Variants in SORD observed in about 807,000 individuals in gnomAD.
The protein encoded by SORD is sorbitol dehydrogenase.
Under a neutral mutation model 35.6 loss-of-function variants are expected in SORD, and 18 were observed. That is an observed-to-expected ratio of 0.51 (90% CI 0.35 to 0.75). The LOEUF (loss-of-function observed/expected upper bound fraction) is 0.75, where lower values mean the gene tolerates loss of function less well. Ranked by LOEUF, SORD falls within the 30% of genes least tolerant of loss-of-function variation. The pLI is 0.01. For missense variants in SORD, 250 were observed against 390.2 expected, an observed-to-expected ratio of 0.64 and a Z score of 3.03; for synonymous variants, 106 against 152.9, an observed-to-expected ratio of 0.69 and a Z score of 2.26.
intron 4 of SORD, among the ~76,000 whole-genome samples, chr15:45,064,365 TA>T (rs2141123702): frequency 1.3e-5 from 2 of 152,300 alleles, no homozygotes; most frequent in African/African-American, 4.8e-5. Context: ...AAGGGTTTTC[TA>T]AAAAAGCCTG....
intron 5 of SORD, 149 bp from the exon 6 acceptor site, chr15:45,068,032 A>C: frequency 1.5e-6 from 1 of 670,344 alleles, no homozygotes; most frequent in Non-Finnish European, 2.8e-6. Flanking sequence ...TTCTGCATTC[A>C]ACAAACAGCC....
chr15:45,038,154 T>A (rs1407428246), intron 1 of SORD, among the ~76,000 whole-genome samples: 1 of 139,976 alleles, frequency 7.1e-6, no homozygotes, highest in South Asian at 2.2e-4. Context: ...CTTCCTTCCT[T>A]CCTTCCTTCC....
chr15:45,065,494 C>T, intron 5 of SORD, 105 bp downstream of exon 5: 1 of 1,494,672 alleles, frequency 6.7e-7, no homozygotes, highest in Non-Finnish European at 8.9e-7. Context: ...TTCTAGAATC[C>T]TTCTGGGTAA....
chr15:45,058,183 G>A (rs771634985), intron 3 of SORD, among the ~76,000 whole-genome samples: 8 of 152,228 alleles, frequency 5.3e-5, no homozygotes, highest in Non-Finnish European at 1.0e-4. Context: ...TGCCGACACC[G>A]TGATGGGCTG....
At chr15:45,041,287 C>T (rs563514478) in intron 2 of SORD, among the ~76,000 whole-genome samples, 1 of 152,044 alleles carries the variant, frequency 6.6e-6, no homozygotes, top group African/African-American at 2.4e-5. Flanking sequence ...CCCTCCCATC[C>T]CTGGAATTCC....
At chr15:45,025,346 T>A (rs1427513238) in intron 1 of SORD, among the ~76,000 whole-genome samples, 1 of 152,112 alleles carries the variant, frequency 6.6e-6, no homozygotes, top group Non-Finnish European at 1.5e-5. Flanking sequence ...GAGTTTAAGA[T>A]GTCTCTGGAG....
chr15:45,028,292 A>G (rs1004999773), intron 1 of SORD, among the ~76,000 whole-genome samples: 11 of 152,270 alleles, frequency 7.2e-5, no homozygotes, highest in African/African-American at 2.7e-4. Flanking sequence ...ATGCCACTGC[A>G]CTGCAGCGTG....
At chr15:45,068,436 TTTGTGTGAGAGA>T (rs2141126503) in intron 6 of SORD, among the ~76,000 whole-genome samples, 190 bp downstream of exon 6, 1 of 148,258 alleles carries the variant, frequency 6.7e-6, no homozygotes, top group Non-Finnish European at 1.5e-5. Flanking sequence ...AGAGAGAGAG[TTTGTGTGAGAGA>T]GTGTGTGTGT....
chr15:45,052,963 T>C (rs560545713), intron 3 of SORD, among the ~76,000 whole-genome samples: 16 of 152,220 alleles, frequency 1.1e-4, no homozygotes, highest in African/African-American at 3.4e-4. Context: ...ATCTCAAGTA[T>C]TGAACAAAAG....
intron 3 of SORD, among the ~76,000 whole-genome samples, chr15:45,053,907 T>G (rs1893169916): frequency 7.2e-6 from 1 of 139,550 alleles, no homozygotes; most frequent in Admixed American, 7.4e-5. Flanking sequence ...TGGTTTTTTG[T>G]CCTTGCGATA....
chr15:45,030,343 C>T (rs16977145), intron 1 of SORD, among the ~76,000 whole-genome samples: 32,917 of 150,346 alleles, frequency 0.22, 148 homozygotes, highest in African/African-American at 0.46. Flanking sequence ...TAAAACTGCA[C>T]AACAGAAATT....
At chr15:45,029,728 C>G (rs3986135) in intron 1 of SORD, among the ~76,000 whole-genome samples, 1,142 of 151,974 alleles carry the variant, frequency 7.5e-3, no homozygotes, top group African/African-American at 0.027. Context: ...AGAATGAGGT[C>G]ACGCAGATGA....
At position 45,050,283 on chromosome 15, in the gene SORD, G is replaced by A. The variant is rs575688761; in HGVS notation, c.265+6862G>A. The stretch of plus-strand genomic sequence containing the variant: ...TTTTTAGTAGAGATGGGGTTTCACC[G>A]TGTTAGCCAGGATGGTCTCGATCTC... On this transcript the variant is annotated intron_variant, in intron 3 of 8. Transcript: ENST00000267814. Among the ~76,000 whole-genome samples the A allele has an allele frequency of 2.7e-3, 417 of 152,204 alleles. 1 individual carries two copies. Among genetic ancestry groups the A allele is most frequent in the Admixed American group, 5.0e-3 (76 of 15,282 alleles).
intron 1 of SORD, among the ~76,000 whole-genome samples, chr15:45,027,510 G>A (rs1350378593): frequency 6.6e-6 from 1 of 152,272 alleles, no homozygotes; most frequent in Non-Finnish European, 1.5e-5. Context: ...TAACTGTGGA[G>A]ATAAGCAGGA....
At chr15:45,062,600 C>T in intron 4 of SORD, among the ~76,000 whole-genome samples, 1 of 151,180 alleles carries the variant, frequency 6.6e-6, no homozygotes, top group Admixed American at 6.6e-5. Context: ...GGCCAGAGAC[C>T]TTGTGATGGG....
At chr15:45,071,442 AGAAGTG>A (rs1373519865) in intron 7 of SORD, among the ~76,000 whole-genome samples, 2 of 152,058 alleles carry the variant, frequency 1.3e-5, no homozygotes, top group African/African-American at 4.8e-5. Context: ...TATCCATCTC[AGAAGTG>A]GAGGCTATGA....
Position 45,061,336 on chromosome 15 carries a change from T to A in SORD, c.425+110T>A, listed in dbSNP as rs554215686. 11 of 1,226,462 alleles carry A rather than the reference T, an allele frequency of 9.0e-6. No homozygotes were observed. The East Asian group carries it at 2.4e-4, about 26-fold the overall frequency. 76.0% of individuals were successfully genotyped at this position (1,226,462 alleles called of 1,614,324 possible). On this transcript the variant is annotated intron_variant, in intron 4 of 8. Coordinates refer to ENST00000267814, the MANE Select transcript of SORD (RefSeq NM_003104.6). Reference sequence around the variant, plus strand: ...TCTTTTCAGCTCATAATTCCAAACATGAGGCATCACCTGGACAGGCTACTC... The same window carrying A: ...TCTTTTCAGCTCATAATTCCAAACAAGAGGCATCACCTGGACAGGCTACTC...
chr15:45,058,116 G>T (rs1893246598), intron 3 of SORD, among the ~76,000 whole-genome samples: 1 of 152,220 alleles, frequency 6.6e-6, no homozygotes, highest in South Asian at 2.1e-4. Context: ...TAGGAGACAT[G>T]ATAGTCACAA....
intron 4 of SORD, among the ~76,000 whole-genome samples, chr15:45,064,129 G>T (rs2141123567): frequency 6.7e-6 from 1 of 149,592 alleles, no homozygotes; most frequent in South Asian, 2.2e-4. Flanking sequence ...CTGTTCCTGT[G>T]TGTGCAGATT....
Sources: gnomAD v4.1 joint callset for allele counts (sites outside exome capture counted in the v4.1 genomes callset) on GRCh38, gnomAD v4.1.1 for gene constraint, MANE v1.5 for transcripts, NCBI Gene and HGNC (gene_info 2026-07-23, HGNC 2026-07-21) for gene names.